Variants in SYMPK observed in about 807,000 individuals in gnomAD.
SYMPK encodes the protein symplekin scaffold protein.
In SYMPK, 49 loss-of-function variants were observed where a neutral mutation model predicts 136.4. The observed-to-expected ratio is 0.36, with a 90% CI of 0.29 to 0.46. The LOEUF is 0.46. SYMPK is among the 20% of genes least tolerant of loss of function. The pLI is 1.00. For missense variants in SYMPK, 1,365 were observed against 1,690.0 expected (o/e 0.81, Z 3.37); for synonymous variants, 766 against 713.0 (o/e 1.07, Z -1.19).
At position 45,815,446 on chromosome 19, in the gene SYMPK, T is replaced by G; in HGVS notation, c.*114A>C. 8.8e-7 allele frequency: 1 copy of G among 1,135,646 alleles called. No individual in the cohort carries two copies. The highest frequency in any genetic ancestry group is 1.7e-5 in the South Asian group (1 of 58,192). 70.3% of individuals were successfully genotyped at this position (1,135,646 alleles called of 1,614,324 possible). ...CCTTTTTTTTTTTCTTTTCAGTAAC[T>G]TGCCCAAGTTCACATCTTTTATTTC... On this transcript the variant is annotated 3_prime_UTR_variant, in exon 27 of 27. Coordinates refer to ENST00000245934, the MANE Select transcript of SYMPK (RefSeq NM_004819.3).
At chr19:45,840,894 T>C (rs1432553141) in intron 9 of SYMPK, among the ~76,000 whole-genome samples, 2 of 151,576 alleles carry the variant, frequency 1.3e-5, no homozygotes, top group African/African-American at 2.4e-5. Flanking sequence ...TGAAAGTAAA[T>C]GAAACTAAAT....
chr19:45,815,431 TTTC>T lies in SYMPK; in HGVS notation c.*126_*128del. ...CCCAGGCCCGCCATCCCTTTTTTTT[TTTC>T]TTTTCAGTAACTTGCCCAAGTTCAC... On this transcript the variant is annotated 3_prime_UTR_variant, in exon 27 of 27. Coordinates refer to ENST00000245934, the MANE Select transcript of SYMPK (RefSeq NM_004819.3). The T allele has an allele frequency of 1.9e-6, 2 of 1,078,052 alleles. No individual in the cohort carries two copies. The highest frequency in any genetic ancestry group is 2.6e-6 in the Non-Finnish European group (2 of 783,116). The allele number at this position is 1,078,052 out of a possible 1,614,324, so 66.8% of individuals were successfully genotyped here. A position where few individuals can be genotyped will look rare whatever the true frequency, so the allele number is the denominator to read the frequency against.
intron 8 of SYMPK, 58 bp from the exon 9 acceptor site, chr19:45,842,547 T>C: frequency 6.3e-7 from 1 of 1,584,080 alleles, no homozygotes; most frequent in South Asian, 1.1e-5. Context: ...ATGCTGCCAG[T>C]CTTAATTCTC....
Position 45,842,289 on chromosome 19 carries a change from G to C in SYMPK, c.1048C>G (p.Arg350Gly). Residue 350 changes from arginine to glycine, a missense_variant, in exon 9 of 27, where the codon CGC becomes GGC. By Grantham distance (125) the Arg-to-Gly change is moderately radical. Coordinates refer to ENST00000245934, the MANE Select transcript of SYMPK (RefSeq NM_004819.3). ...PSSKDTRKRP[R>G]DDSDSTLKKM... is the part of the protein sequence containing the mutation. ...TTGAGTGTGGAGTCCGAGTCATCGC[G>C]GGGCCGCTTGCGGGTGTCCTTGCTG... 1 of 1,614,154 alleles carries C rather than the reference G, an allele frequency of 6.2e-7. No homozygotes were observed. Among genetic ancestry groups the C allele is most frequent in the Non-Finnish European group, 8.5e-7 (1 of 1,180,044 alleles).
At chr19:45,855,147 G>C (rs779737343) in intron 1 of SYMPK, 1 of 154,628 alleles carries the variant, frequency 6.5e-6, no homozygotes, top group Admixed American at 6.3e-5. Flanking sequence ...CAAAGTGCAG[G>C]GATTACAGGC....
intron 1 of SYMPK, chr19:45,855,326 G>C (rs1338490152): frequency 6.6e-6 from 1 of 152,214 alleles, no homozygotes; most frequent in Non-Finnish European, 1.5e-5. Flanking sequence ...TTAAAAGGGA[G>C]GAAGGGGGCT....
chr19:45,822,857 A>G lies in SYMPK; in HGVS notation c.2701-11T>C. 3.7e-6 allele frequency: 6 copies of G among 1,605,378 alleles called. No homozygotes were observed. The highest frequency in any genetic ancestry group is 4.3e-6 in the Non-Finnish European group (5 of 1,172,316). ...CTGGATCACCTCTTTCTACAGGGAG[A>G]AGGTGGTGGGGGTGGGAGTTGAGTC... is the stretch of plus-strand genomic sequence containing the variant. On this transcript the variant is annotated splice_polypyrimidine_tract_variant and intron_variant, in intron 20 of 26. Transcript: ENST00000245934.
At position 45,816,547 on chromosome 19, in the gene SYMPK, T is replaced by C. The variant is rs368032373; in HGVS notation, c.3289A>G (p.Ile1097Val). 220 of 1,613,420 alleles carry C rather than the reference T, an allele frequency of 1.4e-4. 1 individual carries two copies. Among genetic ancestry groups the C allele is most frequent in the Non-Finnish European group, 1.6e-4 (190 of 1,179,908 alleles). ...QAHIPNSIMT[I>V]LEASGKQEPE... ...TCCTGCTTGCCGCTGGCCTCCAAGA[T>C]GGTCATGATGGAGTTAGGGATGTGA... is the stretch of plus-strand genomic sequence containing the variant. Residue 1097 changes from isoleucine (I) to valine (V), a missense_variant, in exon 25 of 27, where the codon ATC becomes GTC. Ile to Val is a conservative substitution (Grantham distance 29). This residue lies in a region of SYMPK where 341 missense variants were observed against 270.5 expected (regional missense o/e 1.26). Coordinates refer to ENST00000245934, the MANE Select transcript of SYMPK (RefSeq NM_004819.3).
chr19:45,828,043 G>A, intron 14 of SYMPK, 125 bp from the exon 15 acceptor site: 1 of 829,766 alleles, frequency 1.2e-6, no homozygotes. Flanking sequence ...TCAAGCCCCT[G>A]CTTATAAAGC....
rs1401907926 is a variant in SYMPK at position 45,847,903 on chromosome 19, G to A, written c.525C>T (p.Asp175=). The change falls in exon 7 of 27, where the codon GAC becomes GAT. Residue 175 remains aspartate (D), a synonymous_variant. Coordinates refer to ENST00000245934, the MANE Select transcript of SYMPK (RefSeq NM_004819.3). The stretch of plus-strand genomic sequence containing the variant: ...TGGCGTGGGTGCGGATGCCGTCATT[G>A]TCAGAGTCCAATAGCAGGATGATGT... The part of the protein sequence containing the change: ...AGDIILLLDS[D]NDGIRTHAIK... 4 of 1,613,982 alleles carry A rather than the reference G, an allele frequency of 2.5e-6. No homozygotes were observed. The highest frequency in any genetic ancestry group is 3.4e-6 in the Non-Finnish European group (4 of 1,179,966).
rs1398183193 is a variant in SYMPK, at chr19:45,854,246, A to C, written c.106-6T>G. On this transcript the variant is annotated splice_polypyrimidine_tract_variant and splice_region_variant and intron_variant, in intron 2 of 26. Transcript: ENST00000245934. ...TGGTTCAGAAGATCCACCACCTGGA[A>C]GGAGGGGGAGTGGCAGGGGATAGTG... 8 of 1,614,066 alleles carry C rather than the reference A, an allele frequency of 5.0e-6. No individual in the cohort carries two copies. Among genetic ancestry groups the C allele is most frequent in the South Asian group, 2.2e-5 (2 of 91,078 alleles).
At chr19:45,861,620 C>G (rs922853721) in intron 1 of SYMPK, among the ~76,000 whole-genome samples, 1 of 151,754 alleles carries the variant, frequency 6.6e-6, no homozygotes, top group East Asian at 1.9e-4. Flanking sequence ...GCCTGTAATC[C>G]CAGCTACCTG....
rs1568612906 is a variant in SYMPK at position 45,828,953 on chromosome 19, A to T, written c.1985+17T>A. 2.5e-6 allele frequency: 4 copies of T among 1,604,562 alleles called. No homozygotes were observed. Among genetic ancestry groups the T allele is most frequent in the Non-Finnish European group, 3.4e-6 (4 of 1,171,506 alleles). On this transcript the variant is annotated intron_variant, in intron 14 of 26. Transcript: ENST00000245934. ...AAGCCTCTCGGGGACAGGAGGGTGC[A>T]GGGTCAGCCCCCTCACCCATCCTTC... is the stretch of plus-strand genomic sequence containing the variant.
At chr19:45,817,042 A>G in intron 23 of SYMPK, 68 bp from the exon 24 acceptor site, 5 of 1,482,432 alleles carry the variant, frequency 3.4e-6, no homozygotes, top group Non-Finnish European at 4.5e-6. Context: ...TGACACTGGG[A>G]GAAAGACCTT....
chr19:45,828,211 G>A, intron 14 of SYMPK: 1 of 366,528 alleles, frequency 2.7e-6, no homozygotes, highest in South Asian at 2.5e-5. Flanking sequence ...GGGTGGAGAA[G>A]GGTGTGGGTA....
rs551382612 is a variant in SYMPK, at chr19:45,821,965, T to C, written c.2792-480A>G. 2.6e-5 allele frequency among the ~76,000 whole-genome samples: 4 copies of C among 152,244 alleles called. No homozygotes were observed. Among genetic ancestry groups the C allele is most frequent in the African/African-American group, 9.6e-5 (4 of 41,546 alleles). ...TGGTGGAGTGGCTCTTTGCTGCTGC[T>C]ATTTTGATGGTCCCAGAGCCATCTA... On this transcript the variant is annotated intron_variant, in intron 21 of 26. Transcript: ENST00000245934. The surrounding 1 kb of genome is among the most constrained non-coding windows in gnomAD (Gnocchi z 4.4).
chr19:45,824,084 C>T (rs1970977040), intron 18 of SYMPK: 3 of 510,898 alleles, frequency 5.9e-6, no homozygotes, highest in Non-Finnish European at 1.1e-5. Flanking sequence ...TGGGCCTGCT[C>T]CAGCTCCCAG....
In SYMPK at chr19:45,835,195, T is replaced by C. The variant is rs760111852; in HGVS notation, c.1276A>G (p.Met426Val). 1 of 1,611,660 alleles carries C rather than the reference T, an allele frequency of 6.2e-7. No homozygotes were observed. The highest frequency in any genetic ancestry group is 8.5e-7 in the Non-Finnish European group (1 of 1,178,860). ...LISMVYLPEA[M>V]PASFQAIYTP... ...TAGATGGCCTGGAAGGAGGCTGGCA[T>C]GGCCTCGGGTAGGTACACCATGCTG... The change falls in exon 11 of 27, where the codon ATG (methionine) becomes GTG (valine). Residue 426 changes from methionine to valine, a missense_variant. Physicochemically the swap from Met to Val is conservative, Grantham distance 21. Coordinates refer to ENST00000245934, the MANE Select transcript of SYMPK (RefSeq NM_004819.3).
intron 20 of SYMPK, 82 bp downstream of exon 20, chr19:45,823,290 C>A (rs1265581960): frequency 1.4e-6 from 2 of 1,407,546 alleles, no homozygotes. Context: ...GGCTCAACTG[C>A]TGCTGAAGCA....
Sources: allele counts gnomAD v4.1 joint callset (sites outside exome capture counted in the v4.1 genomes callset), GRCh38; gene constraint gnomAD v4.1.1; regional missense constraint gnomAD v4.1.1; non-coding constraint Gnocchi (gnomAD v3.1); transcripts MANE v1.5; gene names NCBI Gene and HGNC (gene_info 2026-07-23, HGNC 2026-07-21).